NFIB: variants seen among roughly 807,000 people sequenced by gnomAD.
NFIB encodes the protein nuclear factor I B.
A neutral mutation model predicts 61.5 loss-of-function variants in NFIB; 11 were observed. The ratio of observed to expected loss-of-function variants is 0.18; its 90% CI spans 0.11 to 0.30. The LOEUF (loss-of-function observed/expected upper bound fraction) is 0.30, where lower values mean the gene tolerates loss of function less well. NFIB is among the 10% of genes least tolerant of loss of function. NFIB has a pLI of 1.00. For missense variants in NFIB, 471 were observed against 608.9 expected, an observed-to-expected ratio of 0.77 and a Z score of 2.38; for synonymous variants, 260 against 216.5, an observed-to-expected ratio of 1.20 and a Z score of -1.76.
rs1475391401 is a variant in NFIB at position 14,398,855 on chromosome 9, G to A, written c.-224C>T. On this transcript the variant is annotated 5_prime_UTR_variant, in exon 1 of 9. Transcript: ENST00000380934. Reference sequence around the variant, plus strand: ...AAGAACAAAGGGGTCCTGTACACTCGAGGAGTTTACTCCACTAACAGTCTT... The same window carrying A: ...AAGAACAAAGGGGTCCTGTACACTCAAGGAGTTTACTCCACTAACAGTCTT... The A allele has an allele frequency of 2.3e-5, 10 of 439,580 alleles. No homozygotes were observed. In the South Asian group the frequency reaches 2.3e-4, roughly 10 times the overall value. The allele number at this position is 439,580 out of a possible 1,614,324, so 27.2% of individuals were successfully genotyped here. A position where few individuals can be genotyped will look rare whatever the true frequency, so the allele number is the denominator to read the frequency against.
At chr9:14,102,234 T>C (rs1028264502) in intron 10 of NFIB, among the ~76,000 whole-genome samples, 7 of 152,158 alleles carry the variant, frequency 4.6e-5, no homozygotes, top group African/African-American at 9.7e-5. Context: ...GCATATACTA[T>C]AGTCCCAACT....
At chr9:14,357,634 A>G (rs1409107413) in intron 1 of NFIB, 1 of 152,230 alleles carries the variant, frequency 6.6e-6, no homozygotes, top group African/African-American at 2.4e-5. Flanking sequence ...CACTTACTAA[A>G]GAGACCATTG....
intron 2 of NFIB, among the ~76,000 whole-genome samples, chr9:14,286,731 C>A (rs1302726690): frequency 6.6e-6 from 1 of 151,798 alleles, no homozygotes; most frequent in Non-Finnish European, 1.5e-5. Flanking sequence ...AATTTTAGGA[C>A]CTGGCAGAGT....
chr9:14,165,076 G>A (rs2044629429), intron 3 of NFIB, among the ~76,000 whole-genome samples: 1 of 152,138 alleles, frequency 6.6e-6, no homozygotes, highest in Non-Finnish European at 1.5e-5. Context: ...TGATTCATAA[G>A]TGTACTTAAA....
chr9:14,249,658 T>C (rs1009991038), intron 2 of NFIB, among the ~76,000 whole-genome samples: 3 of 142,306 alleles, frequency 2.1e-5, no homozygotes, highest in Admixed American at 7.1e-5. Flanking sequence ...TGTAAAAAAA[T>C]AGAAAGGAAG....
At chr9:14,333,804 A>G (rs2060850392) in intron 1 of NFIB, among the ~76,000 whole-genome samples, 1 of 152,218 alleles carries the variant, frequency 6.6e-6, no homozygotes, top group Non-Finnish European at 1.5e-5. Context: ...TGTCACCACC[A>G]TACATCTTAA....
the NFIB span, among the ~76,000 whole-genome samples, chr9:14,475,822 T>A: frequency 6.6e-6 from 1 of 152,142 alleles, no homozygotes; most frequent in Non-Finnish European, 1.5e-5. Context: ...TACCTCACCA[T>A]CCCCTTTACC....
At chr9:14,337,321 G>C in intron 1 of NFIB, among the ~76,000 whole-genome samples, 1 of 152,174 alleles carries the variant, frequency 6.6e-6, no homozygotes, top group Non-Finnish European at 1.5e-5. Flanking sequence ...AAAGAAGCAA[G>C]TCATAAAAGG....
At chr9:14,256,650 G>A (rs1447242935) in intron 2 of NFIB, among the ~76,000 whole-genome samples, 2 of 152,200 alleles carry the variant, frequency 1.3e-5, no homozygotes, top group Non-Finnish European at 2.9e-5. Flanking sequence ...TTGTTTGGCA[G>A]TCAGAGTCTC....
the NFIB span, among the ~76,000 whole-genome samples, chr9:14,515,863 G>A: frequency 6.6e-6 from 1 of 152,182 alleles, no homozygotes; most frequent in Non-Finnish European, 1.5e-5. Context: ...CATGCTGCCC[G>A]ACCTCATTCA....
At chr9:14,424,926 T>A in the NFIB span, among the ~76,000 whole-genome samples, 1 of 152,046 alleles carries the variant, frequency 6.6e-6, no homozygotes, top group Non-Finnish European at 1.5e-5. Flanking sequence ...ATTAGGAGGA[T>A]AATCGTGGCA....
At chr9:14,305,654 C>A in intron 2 of NFIB, 1 of 173,906 alleles carries the variant, frequency 5.8e-6, no homozygotes. Context: ...ACTAAAAATT[C>A]TAAAATGACA....
At chr9:14,235,184 C>G (rs2053619086) in intron 2 of NFIB, among the ~76,000 whole-genome samples, 1 of 152,162 alleles carries the variant, frequency 6.6e-6, no homozygotes, top group African/African-American at 2.4e-5. Flanking sequence ...AGACTTCACA[C>G]TAATTCACTC....
At chr9:14,147,636 CTTT>C (rs34256054) in intron 5 of NFIB, among the ~76,000 whole-genome samples, 1 of 108,672 alleles carries the variant, frequency 9.2e-6, no homozygotes, top group Non-Finnish European at 1.7e-5. Flanking sequence ...TAAAATGATA[CTTT>C]TTTTTTTTTT....
At chr9:14,484,138 A>T in the NFIB span, among the ~76,000 whole-genome samples, 6 of 152,194 alleles carry the variant, frequency 3.9e-5, no homozygotes, top group African/African-American at 1.4e-4. Flanking sequence ...ACTTAGGAAA[A>T]TACTATATTT....
At chr9:14,529,416 C>A in the NFIB span, among the ~76,000 whole-genome samples, 1 of 151,984 alleles carries the variant, frequency 6.6e-6, no homozygotes, top group Non-Finnish European at 1.5e-5. Context: ...ACACAAAGAG[C>A]CCAGAGTTAT....
At chr9:14,151,405 T>C (rs2042855367) in intron 4 of NFIB, among the ~76,000 whole-genome samples, 1 of 152,160 alleles carries the variant, frequency 6.6e-6, no homozygotes, top group South Asian at 2.1e-4. Context: ...GGCTGCAATG[T>C]GTACAAAATA....
intron 2 of NFIB, among the ~76,000 whole-genome samples, chr9:14,200,483 A>G (rs1051240122): frequency 5.9e-5 from 9 of 152,198 alleles, no homozygotes; most frequent in African/African-American, 1.7e-4. Context: ...AGCTCTCAGG[A>G]TCGGTAAGTC....
chr9:14,272,915 C>A (rs761604130), intron 2 of NFIB, among the ~76,000 whole-genome samples: 1 of 152,068 alleles, frequency 6.6e-6, no homozygotes, highest in South Asian at 2.1e-4. Context: ...TGTTACTTAG[C>A]CTCAACTTAA....
Sources: allele counts gnomAD v4.1 joint callset (sites outside exome capture counted in the v4.1 genomes callset), GRCh38; gene constraint gnomAD v4.1.1; transcripts MANE v1.5; gene names NCBI Gene and HGNC (gene_info 2026-07-23, HGNC 2026-07-21).